Variants in CEP85L observed in about 807,000 individuals in gnomAD.
CEP85L encodes the protein centrosomal protein of 85 kDa-like.
A neutral mutation model predicts 100.3 loss-of-function variants in CEP85L; 60 were observed. The ratio of observed to expected loss-of-function variants is 0.60; its 90% CI spans 0.49 to 0.74. The LOEUF (loss-of-function observed/expected upper bound fraction) is 0.74, where lower values mean the gene tolerates loss of function less well. CEP85L is among the 30% of genes least tolerant of loss of function. The pLI is 0.00. For missense variants in CEP85L, 973 were observed against 936.2 expected, an observed-to-expected ratio of 1.04 and a Z score of -0.51; for synonymous variants, 319 against 322.7, an observed-to-expected ratio of 0.99 and a Z score of 0.12.
intron 3 of CEP85L, among the ~76,000 whole-genome samples, chr6:118,530,398 A>C (rs75633417): frequency 4.0e-5 from 6 of 151,868 alleles, no homozygotes; most frequent in Admixed American, 6.6e-5. Context: ...AAAAAAAAAA[A>C]ACACAGCCAA....
chr6:118,562,922 T>C (rs368172970), intron 3 of CEP85L, among the ~76,000 whole-genome samples: 45 of 152,220 alleles, frequency 3.0e-4, no homozygotes, highest in East Asian at 2.7e-3. Context: ...CGTGTAGAAG[T>C]GTTTATCCTC....
rs573998357 is a variant in CEP85L at position 118,698,657 on chromosome 6, C to T, written c.-28+11379G>A. Among the ~76,000 whole-genome samples, 6 of 152,260 alleles carry T rather than the reference C, an allele frequency of 3.9e-5. No homozygotes were observed. In the East Asian group the frequency reaches 1.2e-3, roughly 29 times the overall value. ...TCATATGTACTTGAAAGACAAGTTT[C>T]CACTTGACTTAGCCTACAGTTATCC... On this transcript the variant is annotated intron_variant, in intron 1 of 13. Transcript: ENST00000368488.
intron 4 of CEP85L, among the ~76,000 whole-genome samples, chr6:118,519,432 CTGTGTGTGTGTGTG>C (rs546998242): frequency 1.4e-3 from 33 of 23,968 alleles, no homozygotes; most frequent in East Asian, 6.9e-3. Context: ...GAGCAAAACT[CTGTGTGTGTGTGTG>C]TGTGTGTGTG....
intron 12 of CEP85L, among the ~76,000 whole-genome samples, chr6:118,466,080 A>G (rs1772499155): frequency 6.6e-6 from 1 of 152,150 alleles, no homozygotes; most frequent in East Asian, 1.9e-4. Context: ...AGGAAGAGGG[A>G]GAGGAAGAGT....
chr6:118,709,299 A>G (rs1449962280), intron 1 of CEP85L, among the ~76,000 whole-genome samples: 1 of 152,112 alleles, frequency 6.6e-6, no homozygotes, highest in Non-Finnish European at 1.5e-5. Context: ...TTCCTCACTC[A>G]TTAATGTTTG....
At chr6:118,531,342 C>T (rs552998703) in intron 3 of CEP85L, among the ~76,000 whole-genome samples, 2 of 152,204 alleles carry the variant, frequency 1.3e-5, no homozygotes, top group South Asian at 4.1e-4. Context: ...CTTCCTTATA[C>T]TATATACAAA....
At chr6:118,483,621 A>G (rs1773955848) in intron 7 of CEP85L, 85 bp downstream of exon 7, 1 of 1,280,890 alleles carries the variant, frequency 7.8e-7, no homozygotes, top group African/African-American at 1.5e-5. Context: ...AAACACATAG[A>G]TTTAACTTAT....
intron 2 of CEP85L, among the ~76,000 whole-genome samples, chr6:118,622,355 C>T (rs1773504602): frequency 6.6e-6 from 1 of 152,220 alleles, no homozygotes; most frequent in African/African-American, 2.4e-5. Context: ...TGCCACTTTT[C>T]TCCCAGAGGA....
At chr6:118,596,664 T>TA (rs1781473205) in intron 2 of CEP85L, among the ~76,000 whole-genome samples, 4 of 151,636 alleles carry the variant, frequency 2.6e-5, no homozygotes, top group African/African-American at 9.7e-5. Flanking sequence ...ACTGATTTTT[T>TA]TAAAAAAAAA....
chr6:118,666,014 A>G (rs1339508299), intron 1 of CEP85L, among the ~76,000 whole-genome samples: 1 of 152,202 alleles, frequency 6.6e-6, no homozygotes, highest in East Asian at 1.9e-4. Context: ...TTGCTTGGTT[A>G]ACAAACATTT....
At chr6:118,654,525 T>A (rs973673369), upstream of CEP85L, among the ~76,000 whole-genome samples, 11 of 152,330 alleles carry the variant, frequency 7.2e-5, no homozygotes, top group Middle Eastern at 3.4e-3. Flanking sequence ...ATCAAGTGTG[T>A]ATCAAGGACC....
At chr6:118,651,029 A>G (rs1048619244) in intron 1 of CEP85L, among the ~76,000 whole-genome samples, 168 bp downstream of exon 1, 3 of 152,048 alleles carry the variant, frequency 2.0e-5, no homozygotes, top group African/African-American at 7.2e-5. Context: ...GGCAAGCCAT[A>G]TGTCAGCCCG....
chr6:118,534,375 A>G (rs1251442446), intron 3 of CEP85L, among the ~76,000 whole-genome samples: 10 of 151,954 alleles, frequency 6.6e-5, no homozygotes, highest in Admixed American at 6.6e-4. Context: ...AAAACTGGCC[A>G]GGTGCGGTGG....
chr6:118,491,748 T>A lies in CEP85L; in HGVS notation c.1375A>T (p.Asn459Tyr). The A allele has an allele frequency of 6.2e-7, 1 of 1,613,320 alleles. No individual in the cohort carries two copies. Among genetic ancestry groups the A allele is most frequent in the Non-Finnish European group, 8.5e-7 (1 of 1,179,616 alleles). ...CTTAGTCTTTGTTTGAGAAACTCAT[T>A]AAGCTGTAAAACTTCTTTCTCAGTA... is the stretch of plus-strand genomic sequence containing the variant. ...ASTEKEVLQL[N>Y]EFLKQRLSLF... The change falls in exon 6 of 13, where the codon AAT becomes TAT. Residue 459 changes from asparagine (N) to tyrosine (Y), a missense_variant. Coordinates refer to ENST00000368491, the MANE Select transcript of CEP85L (RefSeq NM_001042475.3).
chr6:118,681,748 C>CTT (rs199966143), intron 1 of CEP85L, among the ~76,000 whole-genome samples: 63 of 124,748 alleles, frequency 5.1e-4, no homozygotes, highest in African/African-American at 1.4e-3. Context: ...ATAATTATTT[C>CTT]TTTTTTTTTT....
chr6:118,590,091 T>C (rs1048887809), intron 2 of CEP85L, among the ~76,000 whole-genome samples: 1 of 152,012 alleles, frequency 6.6e-6, no homozygotes, highest in African/African-American at 2.4e-5. Context: ...AATACCACTA[T>C]AAATATCTCC....
At chr6:118,537,901 T>G in intron 3 of CEP85L, 2 of 985,214 alleles carry the variant, frequency 2.0e-6, no homozygotes, top group South Asian at 9.4e-5. Flanking sequence ...ATAGTCTATC[T>G]GAAGAGATAC....
intron 2 of CEP85L, among the ~76,000 whole-genome samples, chr6:118,629,120 A>T (rs1773984756): frequency 6.6e-6 from 1 of 152,210 alleles, no homozygotes; most frequent in Non-Finnish European, 1.5e-5. Context: ...ATTGTAAGGA[A>T]TCTAGAGATG....
At chr6:118,563,924 A>G (rs1779359184) in intron 3 of CEP85L, among the ~76,000 whole-genome samples, 2 of 152,210 alleles carry the variant, frequency 1.3e-5, no homozygotes, top group South Asian at 4.1e-4. Context: ...TAGTTTGTCT[A>G]GTTTTCTTTA....
Sources: gnomAD v4.1 joint callset for allele counts (sites outside exome capture counted in the v4.1 genomes callset) on GRCh38, gnomAD v4.1.1 for gene constraint, MANE v1.5 for transcripts, NCBI Gene and HGNC (gene_info 2026-07-23, HGNC 2026-07-21) for gene names.